The following ADAMTSL1 variants were observed in gnomAD, a reference collection of about 807,000 sequenced individuals.
The protein encoded by ADAMTSL1 is ADAMTS like 1.
A neutral mutation model predicts 201.8 loss-of-function variants in ADAMTSL1; 126 were observed. The ratio of observed to expected loss-of-function variants is 0.62; its 90% CI spans 0.54 to 0.72. The LOEUF is 0.72. ADAMTSL1 is among the 30% of genes least tolerant of loss of function. The pLI is 0.00. For synonymous variants in ADAMTSL1, 1,121 were observed against 903.4 expected, an observed-to-expected ratio of 1.24 and a Z score of -4.32; for missense variants, 2,679 against 2,277.8, an observed-to-expected ratio of 1.18 and a Z score of -3.59.
chr9:18,065,531 G>A (rs1232081733), intron 1 of ADAMTSL1, among the ~76,000 whole-genome samples: 1 of 152,108 alleles, frequency 6.6e-6, no homozygotes, highest in African/African-American at 2.4e-5. Context: ...ACCACCATAA[G>A]TGAAAAGTAG....
rs368963091 is a variant in ADAMTSL1, at chr9:18,078,339, G to A, written c.88-85523G>A. 1.5e-3 allele frequency among the ~76,000 whole-genome samples: 225 copies of A among 152,200 alleles called. 6 individuals carry two copies. In the South Asian group the frequency reaches 0.046, roughly 31 times the overall value. ...CTCCTAGGAAATAGAGGTTCCTGAA[G>A]TTATAGTTAGCTGAAAAAAATCTAG... On this transcript the variant is annotated intron_variant, in intron 1 of 29. Transcript: ENST00000680146.
At chr9:18,832,965 T>G (rs1029654620) in intron 23 of ADAMTSL1, among the ~76,000 whole-genome samples, 1 of 152,198 alleles carries the variant, frequency 6.6e-6, no homozygotes, top group Non-Finnish European at 1.5e-5. Flanking sequence ...GTGTCAGAGC[T>G]CATTCTTCTT....
At chr9:18,740,941 C>G (rs1424616030) in intron 15 of ADAMTSL1, among the ~76,000 whole-genome samples, 3 of 152,082 alleles carry the variant, frequency 2.0e-5, no homozygotes, top group Non-Finnish European at 4.4e-5. Context: ...CTGGATATCA[C>G]CAATTTTAGG....
intron 1 of ADAMTSL1, among the ~76,000 whole-genome samples, chr9:17,965,723 T>C (rs977872042): frequency 6.6e-6 from 1 of 152,150 alleles, no homozygotes; most frequent in African/African-American, 2.4e-5. Context: ...TAATTGATTC[T>C]GTGAGCTGGA....
intron 5 of ADAMTSL1, among the ~76,000 whole-genome samples, chr9:18,635,237 T>G (rs1029137245): frequency 1.3e-5 from 2 of 152,118 alleles, no homozygotes; most frequent in Non-Finnish European, 2.9e-5. Flanking sequence ...TTGAGATGCA[T>G]GTAATATAGC....
At chr9:18,480,388 C>G (rs1019510541) in intron 1 of ADAMTSL1, among the ~76,000 whole-genome samples, 1 of 152,178 alleles carries the variant, frequency 6.6e-6, no homozygotes, top group African/African-American at 2.4e-5. Context: ...CTTTACCCAC[C>G]TGCTGGATGC....
At chr9:18,897,343 C>T (rs1340994928) in intron 26 of ADAMTSL1, among the ~76,000 whole-genome samples, 2 of 152,166 alleles carry the variant, frequency 1.3e-5, no homozygotes, top group Non-Finnish European at 2.9e-5. Flanking sequence ...CACAACACAG[C>T]ACAGCTGTTC....
chr9:18,884,961 G>A (rs1828761008), intron 23 of ADAMTSL1, among the ~76,000 whole-genome samples: 1 of 152,294 alleles, frequency 6.6e-6, no homozygotes, highest in East Asian at 1.9e-4. Flanking sequence ...CATTCAATCT[G>A]TAGATCACTA....
chr9:17,970,040 G>T (rs534148694), intron 1 of ADAMTSL1, among the ~76,000 whole-genome samples: 1 of 151,974 alleles, frequency 6.6e-6, no homozygotes, highest in Admixed American at 6.6e-5. Context: ...CCTTGAACAC[G>T]TGGCTAATCT....
At chr9:18,164,393 T>G (rs1827543182) in intron 2 of ADAMTSL1, among the ~76,000 whole-genome samples, 1 of 151,962 alleles carries the variant, frequency 6.6e-6, no homozygotes, top group African/African-American at 2.4e-5. Context: ...TTTGTAGATA[T>G]TCTTACTTCA....
intron 1 of ADAMTSL1, among the ~76,000 whole-genome samples, chr9:18,113,062 T>A (rs1260918562): frequency 6.6e-6 from 1 of 152,012 alleles, no homozygotes; most frequent in Admixed American, 6.6e-5. Flanking sequence ...GTTGTAGGGA[T>A]TAGGAGTGGG....
intron 1 of ADAMTSL1, among the ~76,000 whole-genome samples, chr9:18,154,038 T>C (rs1827038670): frequency 6.6e-6 from 1 of 152,064 alleles, no homozygotes. Flanking sequence ...AAGACTGTTA[T>C]TCTTCCTCGG....
chr9:18,692,357 GT>G, intron 13 of ADAMTSL1, among the ~76,000 whole-genome samples: 1 of 152,222 alleles, frequency 6.6e-6, no homozygotes, highest in Admixed American at 6.5e-5. Flanking sequence ...AGATAGAGCC[GT>G]TTTTTTGTAG....
chr9:18,744,501 AATC>A (rs1401093247), intron 15 of ADAMTSL1, among the ~76,000 whole-genome samples: 9 of 152,214 alleles, frequency 5.9e-5, no homozygotes, highest in African/African-American at 2.2e-4. Flanking sequence ...TCCTCACAAT[AATC>A]ATCTCTGCAT....
intron 1 of ADAMTSL1, among the ~76,000 whole-genome samples, chr9:17,961,775 T>C (rs1778185): frequency 0.81 from 122,734 of 152,080 alleles, 50,071 homozygotes; most frequent in East Asian, 0.93. Context: ...GCCCTTTAAT[T>C]TGAAGGCCTT....
chr9:18,497,498 C>T (rs1336767564), intron 1 of ADAMTSL1, among the ~76,000 whole-genome samples: 1 of 152,074 alleles, frequency 6.6e-6, no homozygotes, highest in Non-Finnish European at 1.5e-5. Context: ...CTCCTTTAGT[C>T]TTCCAAATTA....
intron 1 of ADAMTSL1, among the ~76,000 whole-genome samples, chr9:17,958,422 A>T (rs1279536250): frequency 6.6e-6 from 1 of 152,156 alleles, no homozygotes; most frequent in Non-Finnish European, 1.5e-5. Flanking sequence ...AAGTTTTGTG[A>T]GCAAGTTTAT....
intron 9 of ADAMTSL1, among the ~76,000 whole-genome samples, chr9:18,664,314 G>T (rs1316251098): frequency 6.6e-6 from 1 of 152,060 alleles, no homozygotes; most frequent in Non-Finnish European, 1.5e-5. Flanking sequence ...AAGAAAATTA[G>T]ATAGAATAGA....
At chr9:18,465,898 G>A (rs1175768709) in intron 2 of ADAMTSL1, among the ~76,000 whole-genome samples, 1 of 151,738 alleles carries the variant, frequency 6.6e-6, no homozygotes, top group Admixed American at 6.6e-5. Flanking sequence ...ATAGGCGTGT[G>A]CCACCATGCC....
Sources: gnomAD v4.1 joint callset for allele counts (sites outside exome capture counted in the v4.1 genomes callset) on GRCh38, gnomAD v4.1.1 for gene constraint, MANE v1.5 for transcripts, NCBI Gene and HGNC (gene_info 2026-07-23, HGNC 2026-07-21) for gene names.